The following ADA variants were observed in gnomAD, a reference collection of about 807,000 sequenced individuals.
ADA encodes adenosine deaminase.
A neutral mutation model predicts 49.0 loss-of-function variants in ADA; 45 were observed. The ratio of observed to expected loss-of-function variants is 0.92; its 90% CI spans 0.72 to 1.18. The LOEUF (loss-of-function observed/expected upper bound fraction) is 1.18. Ranked by LOEUF, ADA falls within the 50% of genes most tolerant of loss-of-function variation. The pLI is 0.00. For synonymous variants in ADA, 173 were observed against 184.2 expected (o/e 0.94, Z 0.49); for missense variants, 445 against 472.5 (o/e 0.94, Z 0.54).
intron 9 of ADA, among the ~76,000 whole-genome samples, chr20:44,621,683 G>T (rs185442830): frequency 4.0e-4 from 61 of 152,230 alleles, no homozygotes; most frequent in Middle Eastern, 6.8e-3. Flanking sequence ...CTTTTCCCTG[G>T]ATTTCTGTGA....
chr20:44,628,513 G>T (rs1163665045), intron 3 of ADA, among the ~76,000 whole-genome samples: 1 of 149,838 alleles, frequency 6.7e-6, no homozygotes, highest in Non-Finnish European at 1.5e-5. Flanking sequence ...GCAACAGAGT[G>T]AGACTCTGTC....
At chr20:44,630,402 A>T (rs967221261) in intron 2 of ADA, among the ~76,000 whole-genome samples, 4 of 152,168 alleles carry the variant, frequency 2.6e-5, no homozygotes, top group African/African-American at 9.6e-5. Flanking sequence ...AAACAACAGA[A>T]TAGACAAAAG....
At chr20:44,647,384 C>T (rs537320615) in intron 1 of ADA, among the ~76,000 whole-genome samples, 14 of 151,746 alleles carry the variant, frequency 9.2e-5, no homozygotes, top group African/African-American at 2.7e-4. Flanking sequence ...TGCAGTGAGC[C>T]GAGGTCGTGC....
chr20:44,651,543 C>T lies in ADA; in HGVS notation c.33+32G>A, dbSNP rs1472814084. 5.2e-6 allele frequency: 8 copies of T among 1,526,770 alleles called. 1 individual carries two copies. The Admixed American group carries it at 9.8e-5, about 19-fold the overall frequency. 94.6% of individuals were successfully genotyped at this position (1,526,770 alleles called of 1,614,324 possible). ...CCCCTCGGGCCGCCCAGGCGCCGGA[C>T]CCCCGTCCCCGGAGCCCCCGCGCGC... On this transcript the variant is annotated intron_variant, in intron 1 of 11. Coordinates refer to ENST00000372874, the MANE Select transcript of ADA (RefSeq NM_000022.4).
In ADA at chr20:44,638,445, C is replaced by T. The variant is rs568297964; in HGVS notation, c.34-2157G>A. 1.5e-4 allele frequency among the ~76,000 whole-genome samples: 23 copies of T among 152,084 alleles called. No individual in the cohort carries two copies. The South Asian group carries it at 1.7e-3, about 11-fold the overall frequency. On this transcript the variant is annotated intron_variant, in intron 1 of 11. Transcript: ENST00000372874. ...GCAAAAAATTAGCCAGGCGTGGTGG[C>T]GCACACCTGTAATCCCAGCTACTTG...
intron 1 of ADA, among the ~76,000 whole-genome samples, chr20:44,637,169 C>T (rs892260038): frequency 1.3e-5 from 2 of 152,116 alleles, no homozygotes; most frequent in Non-Finnish European, 2.9e-5. Flanking sequence ...TATTAGGCAA[C>T]GGAAGATCTT....
intron 1 of ADA, among the ~76,000 whole-genome samples, chr20:44,645,357 C>CAAA (rs11480982): frequency 2.9e-3 from 171 of 58,384 alleles, no homozygotes; most frequent in African/African-American, 8.3e-3. Flanking sequence ...GACTCCAGCT[C>CAAA]AAAAAAAAAA....
chr20:44,622,476 G>C lies in ADA; in HGVS notation c.845+112C>G, dbSNP rs369865919. 3.0e-5 allele frequency: 39 copies of C among 1,309,622 alleles called. 1 individual carries two copies. The South Asian group carries it at 3.0e-4, about 10-fold the overall frequency. The allele number at this position is 1,309,622 out of a possible 1,614,324, so 81.1% of individuals were successfully genotyped here. A position where few individuals can be genotyped will look rare whatever the true frequency, so the allele number is the denominator to read the frequency against. ...AATGCCTGCTTCCCAGGGTGTCGAA[G>C]AGATTTCATATCTAAAAGACGCGGC... On this transcript the variant is annotated intron_variant, in intron 9 of 11. Transcript: ENST00000372874.
intron 3 of ADA, among the ~76,000 whole-genome samples, chr20:44,627,339 G>A (rs572977895): frequency 3.3e-5 from 5 of 152,128 alleles, no homozygotes; most frequent in East Asian, 3.9e-4. Context: ...ATGCCACCAC[G>A]CCCGGCTAAT....
intron 1 of ADA, among the ~76,000 whole-genome samples, chr20:44,646,014 G>A (rs1051778520): frequency 5.3e-5 from 8 of 152,024 alleles, no homozygotes; most frequent in African/African-American, 9.7e-5. Context: ...CTCACTCTGC[G>A]CCCACAGCCT....
At chr20:44,646,547 CCT>C (rs1264670246) in intron 1 of ADA, among the ~76,000 whole-genome samples, 2 of 150,996 alleles carry the variant, frequency 1.3e-5, no homozygotes, top group African/African-American at 2.5e-5. Context: ...GAAACGCACC[CCT>C]GAGGGCCTGC....
intron 2 of ADA, 143 bp from the exon 3 acceptor site, chr20:44,629,312 C>A: frequency 1.6e-6 from 2 of 1,246,766 alleles, no homozygotes; most frequent in South Asian, 1.4e-5. Context: ...TCCAGCTGCT[C>A]CCACTGGACA....
In ADA at chr20:44,624,490, C is replaced by T. The variant is rs2157436; in HGVS notation, c.479-161G>A. On this transcript the variant is annotated intron_variant, in intron 5 of 11. Transcript: ENST00000372874. ...TGCTATGTCCTAACCACATGGCCTG[C>T]GGAAAACTGCTCTGCTTATGGCCTC... Among the ~76,000 whole-genome samples the T allele has an allele frequency of 0.019, 2,924 of 152,326 alleles. 96 individuals are homozygous for T. The highest frequency in any genetic ancestry group is 0.067 in the African/African-American group (2,787 of 41,554).
At chr20:44,626,621 T>G in intron 3 of ADA, 22 bp from the exon 4 acceptor site, 1 of 1,613,608 alleles carries the variant, frequency 6.2e-7, no homozygotes, top group South Asian at 1.1e-5. Flanking sequence ...AGAAAGGGGT[T>G]GGGAACAACC....
At chr20:44,624,470 T>TGTGGTTAGGACATAGCA in intron 5 of ADA, 141 bp from the exon 6 acceptor site, 1 of 1,155,822 alleles carries the variant, frequency 8.7e-7, no homozygotes, top group Non-Finnish European at 1.3e-6. Flanking sequence ...CTAACTGCTA[T>TGTGGTTAGGACATAGCA]GTCCTAACCA....
At position 44,645,006 on chromosome 20, in the gene ADA, G is replaced by A. The variant is rs1480148104; in HGVS notation, c.33+6569C>T. Among the ~76,000 whole-genome samples the A allele has an allele frequency of 2.6e-5, 4 of 152,208 alleles. No individual in the cohort carries two copies. In the South Asian group the frequency reaches 8.3e-4, roughly 32 times the overall value. ...AAAGTCTAATGCATACCACAGCCAG[G>A]AAGCTATTTGACTCTAAACCCGGAG... On this transcript the variant is annotated intron_variant, in intron 1 of 11. Coordinates refer to ENST00000372874, the MANE Select transcript of ADA (RefSeq NM_000022.4).
chr20:44,637,501 C>T (rs1449012726), intron 1 of ADA, among the ~76,000 whole-genome samples: 4 of 152,146 alleles, frequency 2.6e-5, no homozygotes, highest in African/African-American at 9.7e-5. Flanking sequence ...TGTTCCTGTT[C>T]CAAATGATGG....
intron 2 of ADA, among the ~76,000 whole-genome samples, chr20:44,632,787 G>A (rs1224858403): frequency 3.3e-5 from 5 of 152,178 alleles, no homozygotes; most frequent in African/African-American, 4.8e-5. Context: ...TCACCTCCCT[G>A]GTTCAAGTGA....
intron 2 of ADA, among the ~76,000 whole-genome samples, chr20:44,634,722 A>G (rs867965927): frequency 2.6e-5 from 4 of 152,232 alleles, no homozygotes; most frequent in Admixed American, 6.5e-5. Flanking sequence ...GTGCGAAAAG[A>G]TGGAGAATAG....
Sources: gnomAD v4.1 joint callset for allele counts (sites outside exome capture counted in the v4.1 genomes callset) on GRCh38, gnomAD v4.1.1 for gene constraint, MANE v1.5 for transcripts, NCBI Gene and HGNC (gene_info 2026-07-23, HGNC 2026-07-21) for gene names.